Variants in NTRK2 observed in about 807,000 individuals in gnomAD.
NTRK2 encodes the protein BDNF/NT-3 growth factors receptor.
Under a neutral mutation model 94.5 loss-of-function variants are expected in NTRK2, and 13 were observed. That is an observed-to-expected ratio of 0.14 (90% CI 0.09 to 0.22). NTRK2 has a LOEUF of 0.22. Among genes scored for constraint, NTRK2 ranks in the 10% least tolerant of loss-of-function variants. The pLI, the probability that NTRK2 is intolerant of heterozygous loss-of-function variation, is 1.00. For synonymous variants in NTRK2, 372 were observed against 407.4 expected (o/e 0.91, Z 1.05); for missense variants, 639 against 1,071.2 (o/e 0.60, Z 5.63).
chr9:85,002,972 G>A (rs1830490157), intron 17 of NTRK2, among the ~76,000 whole-genome samples: 1 of 152,150 alleles, frequency 6.6e-6, no homozygotes, highest in African/African-American at 2.4e-5. Flanking sequence ...CTGCTGAGTT[G>A]GAGAAACAGT....
chr9:84,745,081 G>A lies in NTRK2; in HGVS notation c.1296+8G>A. On this transcript the variant is annotated splice_region_variant and intron_variant, in intron 11 of 18. Coordinates refer to ENST00000277120, the MANE Select transcript of NTRK2 (RefSeq NM_006180.6). ...GGTCGGGAACATCTCTCGGTGAGTG[G>A]AATAAATAGGTGTCTGAATTGGTTC... 1 of 1,598,436 alleles carries A rather than the reference G, an allele frequency of 6.3e-7. No individual in the cohort carries two copies. The highest frequency in any genetic ancestry group is 2.2e-5 in the East Asian group (1 of 44,786).
At chr9:84,995,557 A>T (rs192990287) in intron 17 of NTRK2, among the ~76,000 whole-genome samples, 3 of 150,430 alleles carry the variant, frequency 2.0e-5, no homozygotes, top group South Asian at 2.1e-4. Context: ...GGCCTGGGGG[A>T]TGAGAGGCTG....
chr9:84,759,524 A>G (rs1193267982), intron 12 of NTRK2, among the ~76,000 whole-genome samples: 1 of 152,220 alleles, frequency 6.6e-6, no homozygotes. Flanking sequence ...AGTGCATGCA[A>G]TATTGTTTGG....
At chr9:84,791,047 AG>A (rs2068674423) in intron 12 of NTRK2, among the ~76,000 whole-genome samples, 1 of 152,194 alleles carries the variant, frequency 6.6e-6, no homozygotes, top group African/African-American at 2.4e-5. Flanking sequence ...TGACTTTTTT[AG>A]AATAAAGATT....
At chr9:84,990,428 C>T (rs1265119168) in intron 17 of NTRK2, among the ~76,000 whole-genome samples, 1 of 152,146 alleles carries the variant, frequency 6.6e-6, no homozygotes, top group Non-Finnish European at 1.5e-5. Context: ...CCAATTGCCT[C>T]CCATTTTGTG....
intron 12 of NTRK2, among the ~76,000 whole-genome samples, chr9:84,756,984 A>T (rs1012505387): frequency 6.6e-6 from 1 of 152,234 alleles, no homozygotes; most frequent in African/African-American, 2.4e-5. Flanking sequence ...AAGAGGTTGA[A>T]GGTTAAAGCC....
Position 85,022,555 on chromosome 9 carries a change from C to A in NTRK2, c.*1118C>A. 4.3e-6 allele frequency: 1 copy of A among 233,236 alleles called. No homozygotes were observed. 14.4% of individuals were successfully genotyped at this position (233,236 alleles called of 1,614,324 possible). On this transcript the variant is annotated 3_prime_UTR_variant, in exon 19 of 19. Transcript: ENST00000277120. ...GGAGGCAAGTTTCTTTTACAATGAA[C>A]TTTTCAGATCTCACTTCCCTCCGAC... is the stretch of plus-strand genomic sequence containing the variant.
At chr9:84,759,740 T>TC (rs1248119380) in intron 12 of NTRK2, among the ~76,000 whole-genome samples, 1 of 152,178 alleles carries the variant, frequency 6.6e-6, no homozygotes, top group Non-Finnish European at 1.5e-5. Context: ...CTTCTTCTTT[T>TC]CCCCCTTCAC....
At chr9:84,761,637 T>C (rs2065575620) in intron 12 of NTRK2, among the ~76,000 whole-genome samples, 1 of 152,216 alleles carries the variant, frequency 6.6e-6, no homozygotes, top group Non-Finnish European at 1.5e-5. Context: ...TGTGTAATGA[T>C]GTAATCTTTT....
intron 12 of NTRK2, among the ~76,000 whole-genome samples, chr9:84,820,447 G>A (rs1163838694): frequency 6.6e-6 from 1 of 152,140 alleles, no homozygotes; most frequent in African/African-American, 2.4e-5. Flanking sequence ...TGGAATTACA[G>A]GTGTGAGCCA....
At chr9:84,923,110 A>G (rs1019770041) in intron 14 of NTRK2, among the ~76,000 whole-genome samples, 3 of 152,098 alleles carry the variant, frequency 2.0e-5, no homozygotes, top group African/African-American at 7.2e-5. Context: ...TCTGCCTTCT[A>G]TGGAATTGGG....
intron 18 of NTRK2, among the ~76,000 whole-genome samples, chr9:85,020,875 CCAGTTCCTTTATCCAATAGCCTG>C (rs1194388937): frequency 1.3e-5 from 2 of 152,196 alleles, no homozygotes; most frequent in African/African-American, 4.8e-5. Flanking sequence ...TCTTTTTAAT[CCAGTTCCTTTATCCAATAGCCTG>C]AGAGGTTTCC....
rs185402447 is a variant in NTRK2 at position 84,934,050 on chromosome 9, A to G, written c.1634-112A>G. The G allele has an allele frequency of 3.1e-5, 37 of 1,184,128 alleles. No homozygotes were observed. The Middle Eastern group carries it at 1.2e-3, about 39-fold the overall frequency. The allele number at this position is 1,184,128 out of a possible 1,614,324, so 73.4% of individuals were successfully genotyped here. On this transcript the variant is annotated intron_variant, in intron 14 of 18. Transcript: ENST00000277120. ...CCAGCTTCTTCGGTTCACTGTGCAC[A>G]GAGGAGAGACTCTTGGGCCTGGAAG...
At chr9:84,912,485 CCTCT>C (rs370968114) in intron 14 of NTRK2, among the ~76,000 whole-genome samples, 23 of 131,650 alleles carry the variant, frequency 1.7e-4, no homozygotes, top group Non-Finnish European at 3.6e-4. Flanking sequence ...ATTTCATATC[CCTCT>C]CTCTCTCTCT....
intron 12 of NTRK2, among the ~76,000 whole-genome samples, chr9:84,808,579 A>G (rs1052229792): frequency 6.6e-6 from 1 of 152,204 alleles, no homozygotes; most frequent in Non-Finnish European, 1.5e-5. Flanking sequence ...TGGCATGCTC[A>G]TTTTACATGC....
intron 7 of NTRK2, 30 bp from the exon 8 acceptor site, chr9:84,724,194 G>T: frequency 6.2e-7 from 1 of 1,613,788 alleles, no homozygotes; most frequent in Non-Finnish European, 8.5e-7. Flanking sequence ...TCCTAATCAA[G>T]GTTATTTTTG....
rs2071861414 is a variant in NTRK2, at chr9:84,812,027, G to C, written c.1397-49013G>C. The C allele has an allele frequency of 2.8e-6, 3 of 1,052,946 alleles. No homozygotes were observed. In the East Asian group the frequency reaches 1.6e-4, roughly 56 times the overall value. The allele number at this position is 1,052,946 out of a possible 1,614,324, so 65.2% of individuals were successfully genotyped here. Reference sequence around the variant, plus strand: ...GTTAGACATGCACACAGACGCCATAGCTGGATTGGAAACATTGATGTTTTA... The same window carrying C: ...GTTAGACATGCACACAGACGCCATACCTGGATTGGAAACATTGATGTTTTA... On this transcript the variant is annotated intron_variant, in intron 12 of 18. Coordinates refer to ENST00000277120, the MANE Select transcript of NTRK2 (RefSeq NM_006180.6).
At chr9:84,673,750 A>G (rs1467477075) in intron 2 of NTRK2, among the ~76,000 whole-genome samples, 1 of 152,172 alleles carries the variant, frequency 6.6e-6, no homozygotes, top group Non-Finnish European at 1.5e-5. Context: ...CTTCAGAGTC[A>G]TTGAACCTAT....
chr9:84,745,164 T>C (rs548605177), intron 11 of NTRK2, 91 bp downstream of exon 11: 22 of 871,856 alleles, frequency 2.5e-5, no homozygotes, highest in East Asian at 1.7e-4. Flanking sequence ...AAGACACTTT[T>C]ATTGTTCAGA....
Sources: allele counts gnomAD v4.1 joint callset (sites outside exome capture counted in the v4.1 genomes callset), GRCh38; gene constraint gnomAD v4.1.1; transcripts MANE v1.5; gene names NCBI Gene and HGNC (gene_info 2026-07-23, HGNC 2026-07-21).